BICC1: variants seen among roughly 807,000 people sequenced by gnomAD.
BICC1 encodes the protein protein bicaudal C homolog 1.
In BICC1, 43 loss-of-function variants were observed where a neutral mutation model predicts 111.0. That is an observed-to-expected ratio of 0.39 (90% confidence interval 0.30 to 0.50). The LOEUF (loss-of-function observed/expected upper bound fraction) is 0.50. BICC1 is among the 20% of genes least tolerant of loss of function. The pLI, the probability that BICC1 is intolerant of heterozygous loss-of-function variation, is 0.88. For missense variants in BICC1, 1,091 were observed against 1,203.2 expected (o/e 0.91, Z 1.38); for synonymous variants, 467 against 434.4 (o/e 1.07, Z -0.93).
In BICC1 at chr10:58,789,141, T is replaced by G. The variant is rs1018554609; in HGVS notation, c.601-121T>G. 3 of 775,336 alleles carry G rather than the reference T, an allele frequency of 3.9e-6. No individual in the cohort carries two copies. The African/African-American group carries it at 5.3e-5, about 14-fold the overall frequency. The allele number at this position is 775,336 out of a possible 1,614,324, so 48.0% of individuals were successfully genotyped here. On this transcript the variant is annotated intron_variant, in intron 6 of 20. Coordinates refer to ENST00000373886, the MANE Select transcript of BICC1 (RefSeq NM_001080512.3). ...CTTTATATAATGTAGCTAAACTTAA[T>G]ATCTATAAGGGCAGTTTATGCTTTA...
chr10:58,801,118 A>C lies in BICC1; in HGVS notation c.2015+72A>C, dbSNP rs1843533874. The C allele has an allele frequency of 7.4e-5, 96 of 1,300,646 alleles. 2 individuals carry two copies. The South Asian group carries it at 1.8e-3, about 25-fold the overall frequency. 80.6% of individuals were successfully genotyped at this position (1,300,646 alleles called of 1,614,324 possible). A position where few individuals can be genotyped will look rare whatever the true frequency, so the allele number is the denominator to read the frequency against. On this transcript the variant is annotated intron_variant, in intron 14 of 20. Coordinates refer to ENST00000373886, the MANE Select transcript of BICC1 (RefSeq NM_001080512.3). ...TATATTTGTTCTCAACTCTATAGTT[A>C]GTACTCTTTGATTCAAGTCATGTTT...
chr10:58,642,645 T>C (rs1484085516), intron 2 of BICC1, among the ~76,000 whole-genome samples: 1 of 151,814 alleles, frequency 6.6e-6, no homozygotes, highest in Non-Finnish European at 1.5e-5. Flanking sequence ...AAAACACATA[T>C]GCTCCTGACA....
intron 3 of BICC1, among the ~76,000 whole-genome samples, chr10:58,707,406 T>A (rs955088414): frequency 1.3e-5 from 2 of 152,232 alleles, no homozygotes; most frequent in African/African-American, 4.8e-5. Context: ...ACCAAAGTGT[T>A]GCTAATGGTG....
intron 1 of BICC1, among the ~76,000 whole-genome samples, chr10:58,612,685 C>T (rs1215831058): frequency 6.6e-6 from 1 of 151,614 alleles, no homozygotes; most frequent in Non-Finnish European, 1.5e-5. Flanking sequence ...ATAATTTGAA[C>T]TTGGTATTTT....
chr10:58,782,279 G>A (rs1173065465), intron 3 of BICC1, among the ~76,000 whole-genome samples: 2 of 152,158 alleles, frequency 1.3e-5, no homozygotes, highest in Non-Finnish European at 2.9e-5. Context: ...TATCCAACCT[G>A]TAAAGTCACA....
At chr10:58,597,582 C>T (rs1844858568) in intron 1 of BICC1, among the ~76,000 whole-genome samples, 1 of 152,080 alleles carries the variant, frequency 6.6e-6, no homozygotes, top group Non-Finnish European at 1.5e-5. Context: ...GGCAGAGTTT[C>T]CCAACCCTAG....
chr10:58,551,940 A>G (rs1447285829), intron 1 of BICC1, among the ~76,000 whole-genome samples: 1 of 138,882 alleles, frequency 7.2e-6, no homozygotes, highest in African/African-American at 2.9e-5. Flanking sequence ...AATGTTTATA[A>G]AATATATAAA....
At chr10:58,662,015 A>G (rs1838859804) in intron 2 of BICC1, among the ~76,000 whole-genome samples, 1 of 152,186 alleles carries the variant, frequency 6.6e-6, no homozygotes, top group Non-Finnish European at 1.5e-5. Flanking sequence ...TCCATCTCTT[A>G]TGTTCTAAAT....
chr10:58,583,297 A>G lies in BICC1; in HGVS notation c.191-37558A>G, dbSNP rs187695762. 1.2e-4 allele frequency among the ~76,000 whole-genome samples: 19 copies of G among 152,118 alleles called. No homozygotes were observed. The East Asian group carries it at 3.5e-3, about 28-fold the overall frequency. ...ATTTGGTTATATGGATAAATTCTTC[A>G]GTGGTGATTTCTGAGATCTTGGTGT... On this transcript the variant is annotated intron_variant, in intron 1 of 20. Coordinates refer to ENST00000373886, the MANE Select transcript of BICC1 (RefSeq NM_001080512.3).
chr10:58,673,705 T>A (rs1422477364), intron 2 of BICC1, among the ~76,000 whole-genome samples: 1 of 151,962 alleles, frequency 6.6e-6, no homozygotes, highest in Non-Finnish European at 1.5e-5. Flanking sequence ...CACTGCAACC[T>A]CCACCCCCTG....
chr10:58,716,712 A>C (rs1564571375), intron 3 of BICC1, among the ~76,000 whole-genome samples: 1 of 147,376 alleles, frequency 6.8e-6, no homozygotes, highest in Non-Finnish European at 1.5e-5. Context: ...CTTACTCTGT[A>C]AGATAAGTGT....
chr10:58,681,330 A>G (rs1458243732), intron 2 of BICC1, among the ~76,000 whole-genome samples: 2 of 152,174 alleles, frequency 1.3e-5, no homozygotes, highest in Non-Finnish European at 2.9e-5. Flanking sequence ...AAATAACTCC[A>G]TCAAAAAGTG....
Position 58,807,041 on chromosome 10 carries a change from G to A in BICC1, c.2259G>A (p.Thr753=), listed in dbSNP as rs111456404. ...AACCAGTGGTGACGGAGGTCAGAAC[G>A]CCCACAAATACCTGGAGTGGCCTGG... ...LKKPVVTEVR[T]PTNTWSGLGF... Residue 753 remains threonine (T), a synonymous_variant, in exon 17 of 21, where the codon ACG becomes ACA. Coordinates refer to ENST00000373886, the MANE Select transcript of BICC1 (RefSeq NM_001080512.3). 50 of 1,613,694 alleles carry A rather than the reference G, an allele frequency of 3.1e-5. 1 individual carries two copies. The highest frequency in any genetic ancestry group is 1.3e-4 in the African/African-American group (10 of 75,016).
intron 3 of BICC1, among the ~76,000 whole-genome samples, chr10:58,764,015 T>C (rs1842391110): frequency 6.6e-6 from 1 of 152,082 alleles, no homozygotes; most frequent in African/African-American, 2.4e-5. Context: ...ATACATTTAG[T>C]GGTGTTTGGG....
In BICC1 at chr10:58,813,822, G is replaced by T. The variant is rs776148186; in HGVS notation, c.2377-8G>T. 5 of 1,612,946 alleles carry T rather than the reference G, an allele frequency of 3.1e-6. No homozygotes were observed. Among genetic ancestry groups the T allele is most frequent in the Non-Finnish European group, 4.2e-6 (5 of 1,179,316 alleles). On this transcript the variant is annotated splice_polypyrimidine_tract_variant and splice_region_variant and intron_variant, in intron 17 of 20. Transcript: ENST00000373886. ...AATATTTCCTTATCTGGCTTTGTCTGTTTACAGGGCTCATCCATGTCCCTT... is the reference window on the plus strand; with the variant it reads ...AATATTTCCTTATCTGGCTTTGTCTTTTTACAGGGCTCATCCATGTCCCTT...
intron 17 of BICC1, among the ~76,000 whole-genome samples, chr10:58,810,422 C>A (rs1019833999): frequency 9.2e-5 from 14 of 152,052 alleles, no homozygotes; most frequent in Admixed American, 9.2e-4. Context: ...TTCTTCACTG[C>A]CTCTTTAAGT....
At chr10:58,675,970 G>A (rs1839326681) in intron 2 of BICC1, among the ~76,000 whole-genome samples, 6 of 152,330 alleles carry the variant, frequency 3.9e-5, no homozygotes, top group South Asian at 2.1e-4. Flanking sequence ...GACAGTGGGT[G>A]CAGCCCACGG....
intron 3 of BICC1, among the ~76,000 whole-genome samples, chr10:58,706,276 GT>G (rs1315014149): frequency 3.3e-5 from 5 of 152,154 alleles, no homozygotes; most frequent in Non-Finnish European, 7.4e-5. Flanking sequence ...CTTCATTAAA[GT>G]ACAAATTGCA....
At chr10:58,698,594 A>G (rs942513243) in intron 2 of BICC1, among the ~76,000 whole-genome samples, 3 of 152,166 alleles carry the variant, frequency 2.0e-5, no homozygotes, top group Non-Finnish European at 2.9e-5. Flanking sequence ...CGGTTGGCTT[A>G]TCTTCTCCCT....
Sources: gnomAD v4.1 joint callset for allele counts (sites outside exome capture counted in the v4.1 genomes callset) on GRCh38, gnomAD v4.1.1 for gene constraint, MANE v1.5 for transcripts, NCBI Gene and HGNC (gene_info 2026-07-23, HGNC 2026-07-21) for gene names.